LIPH: variants seen among roughly 807,000 people sequenced by gnomAD.
LIPH encodes lipase H.
In LIPH, 32 loss-of-function variants were observed where a neutral mutation model predicts 47.6. The ratio of observed to expected loss-of-function variants is 0.67; its 90% confidence interval spans 0.51 to 0.90. LIPH has a LOEUF of 0.90. LIPH is among the 40% of genes least tolerant of loss of function. The pLI, the probability that LIPH is intolerant of heterozygous loss-of-function variation, is 0.00. For missense variants in LIPH, 497 were observed against 541.4 expected (o/e 0.92, Z 0.81); for synonymous variants, 190 against 195.6 (o/e 0.97, Z 0.24).
chr3:185,539,249 G>A (rs1720625211), intron 1 of LIPH, among the ~76,000 whole-genome samples: 1 of 152,080 alleles, frequency 6.6e-6, no homozygotes, highest in South Asian at 2.1e-4. Flanking sequence ...TTACAGGCGT[G>A]AGCCACTGTG....
chr3:185,515,872 G>T (rs1462262572), intron 7 of LIPH, among the ~76,000 whole-genome samples: 1 of 152,172 alleles, frequency 6.6e-6, no homozygotes, highest in South Asian at 2.1e-4. Flanking sequence ...TGGCATGGAA[G>T]TTCACACCTG....
intron 9 of LIPH, among the ~76,000 whole-genome samples, chr3:185,509,768 T>C (rs1719498660): frequency 6.6e-6 from 1 of 152,166 alleles, no homozygotes; most frequent in Non-Finnish European, 1.5e-5. Context: ...ATATGGGTGA[T>C]ATTTTTCTGT....
chr3:185,534,416 C>A (rs1350633953), intron 2 of LIPH, among the ~76,000 whole-genome samples: 2 of 151,798 alleles, frequency 1.3e-5, no homozygotes, highest in Admixed American at 6.6e-5. Flanking sequence ...CTAGACAGAA[C>A]CTCTCCTACC....
At chr3:185,533,124 C>T (rs925204909) in intron 3 of LIPH, among the ~76,000 whole-genome samples, 8 of 152,032 alleles carry the variant, frequency 5.3e-5, no homozygotes, top group African/African-American at 1.9e-4. Context: ...AGTGTTGGCC[C>T]GAAAGCTGAT....
chr3:185,517,150 T>G lies in LIPH; in HGVS notation c.899A>C (p.Asp300Ala), dbSNP rs776331827. Residue 300 changes from aspartate (D) to alanine (A), a missense_variant, in exon 7 of 10, where the codon GAT becomes GCT. Transcript: ENST00000296252. ...ESCPLLGYYA[D>A]NWKDHLRGKD... ...CCCCCTTAGATGGTCTTTCCAATTA[T>G]CAGCATAATAGCCTATGAAACAAGT... 20 of 1,589,306 alleles carry G rather than the reference T, an allele frequency of 1.3e-5. No homozygotes were observed. Among genetic ancestry groups the G allele is most frequent in the South Asian group, 2.2e-5 (2 of 90,544 alleles).
At chr3:185,550,214 C>T (rs1721010372) in intron 1 of LIPH, among the ~76,000 whole-genome samples, 1 of 152,128 alleles carries the variant, frequency 6.6e-6, no homozygotes, top group African/African-American at 2.4e-5. Flanking sequence ...ATTCAACACC[C>T]TCCCTAATGA....
In LIPH at chr3:185,533,587, C is replaced by A. The variant is rs1302206630; in HGVS notation, c.510G>T (p.Trp170Cys). Residue 170 changes from tryptophan (W) to cysteine (C), a missense_variant, in exon 3 of 10, where the codon TGG (tryptophan) becomes TGT (cysteine). Trp to Cys is a radical substitution (Grantham distance 215, BLOSUM62 -2). Transcript: ENST00000296252. The part of the protein sequence containing the change: ...SGFVGEMYDG[W>C]LGRITGLDPA... The stretch of plus-strand genomic sequence containing the variant: ...GGCACTTACCTGTAATTCTCCCCAG[C>A]CATCCATCGTACATCTCTCCAACAA... The A allele has an allele frequency of 2.5e-6, 4 of 1,612,064 alleles. No individual in the cohort carries two copies. In the Admixed American group the frequency reaches 6.7e-5, roughly 27 times the overall value.
At chr3:185,531,648 C>A (rs189033928) in intron 3 of LIPH, among the ~76,000 whole-genome samples, 19 of 151,752 alleles carry the variant, frequency 1.3e-4, no homozygotes, top group Admixed American at 1.0e-3. Context: ...TGGGGGACCA[C>A]CGCAGGAGGA....
At chr3:185,514,229 A>G (rs554645232) in intron 8 of LIPH, among the ~76,000 whole-genome samples, 181 bp downstream of exon 8, 2 of 152,294 alleles carry the variant, frequency 1.3e-5, no homozygotes, top group Non-Finnish European at 1.5e-5. Context: ...CACCAATCCC[A>G]TTTGTAAAGA....
At position 185,514,473 on chromosome 3, in the gene LIPH, CT is replaced by C; in HGVS notation, c.1030del (p.Arg344GlufsTer8). The C allele has an allele frequency of 6.3e-7, 1 of 1,580,866 alleles. No individual in the cohort carries two copies. The highest frequency in any genetic ancestry group is 8.7e-7 in the Non-Finnish European group (1 of 1,149,628). ...DIITWNKNVR[R>X]GDITIKLRDK... ...TCTCAATTTGATGGTAATGTCCCCT[CT>C]TCTTACATTCTTGTTCCATGTTATA... On this transcript the variant is annotated frameshift_variant, in exon 8 of 10. Coordinates refer to ENST00000296252, the MANE Select transcript of LIPH (RefSeq NM_139248.3).
intron 3 of LIPH, among the ~76,000 whole-genome samples, chr3:185,531,404 G>C (rs1018253149): frequency 1.2e-4 from 18 of 151,652 alleles, no homozygotes; most frequent in African/African-American, 3.9e-4. Flanking sequence ...AAATTAGCCA[G>C]GCATGGTGGT....
At chr3:185,542,987 C>T (rs1008172021) in intron 1 of LIPH, among the ~76,000 whole-genome samples, 3 of 152,032 alleles carry the variant, frequency 2.0e-5, no homozygotes, top group East Asian at 3.9e-4. Context: ...GCAGGCAGAT[C>T]ACTTTGAGGT....
rs145034635 is a variant in LIPH, at chr3:185,509,298, A to G, written c.1269-421T>C. Among the ~76,000 whole-genome samples, 12 of 150,564 alleles carry G rather than the reference A, an allele frequency of 8.0e-5. No individual in the cohort carries two copies. In the East Asian group the frequency reaches 1.4e-3, roughly 17 times the overall value. On this transcript the variant is annotated intron_variant, in intron 9 of 9. Transcript: ENST00000296252. ...AGACTCTGTCTCAGAAAAAAAAAGA[A>G]AGAAAATGCTTATGGTAAGTAAAAC...
At chr3:185,535,236 A>G (rs761944041) in intron 1 of LIPH, 104 bp from the exon 2 acceptor site, 139 of 1,347,002 alleles carry the variant, frequency 1.0e-4, no homozygotes, top group Non-Finnish European at 1.4e-4. Context: ...TGTTCCTGAT[A>G]GGACCTGGCT....
At chr3:185,530,855 A>G (rs1720310403) in intron 3 of LIPH, among the ~76,000 whole-genome samples, 1 of 152,088 alleles carries the variant, frequency 6.6e-6, no homozygotes, top group Admixed American at 6.6e-5. Context: ...GTAACAAAGT[A>G]AGACCCTGTC....
intron 3 of LIPH, among the ~76,000 whole-genome samples, chr3:185,528,222 AAG>A (rs35994579): frequency 0.67 from 94,718 of 140,394 alleles, 33,866 homozygotes; most frequent in Non-Finnish European, 0.82. Context: ...CGAAGAAAGA[AAG>A]AGAGAGAGAG....
chr3:185,551,585 T>C (rs1721050610), intron 1 of LIPH, among the ~76,000 whole-genome samples: 1 of 152,198 alleles, frequency 6.6e-6, no homozygotes, highest in Non-Finnish European at 1.5e-5. Flanking sequence ...GCAAGTAATA[T>C]AGTTAGACTT....
At chr3:185,516,651 G>A (rs1270200447) in intron 7 of LIPH, among the ~76,000 whole-genome samples, 1 of 152,080 alleles carries the variant, frequency 6.6e-6, no homozygotes, top group Non-Finnish European at 1.5e-5. Flanking sequence ...CTGTAGATAT[G>A]GCTGACACCT....
intron 9 of LIPH, 82 bp from the exon 10 acceptor site, chr3:185,508,959 T>C: frequency 6.9e-6 from 6 of 874,608 alleles, no homozygotes; most frequent in East Asian, 5.3e-5. Context: ...ATCCTTAAGA[T>C]ACAAAATTAT....
Sources: gnomAD v4.1 joint callset for allele counts (sites outside exome capture counted in the v4.1 genomes callset) on GRCh38, gnomAD v4.1.1 for gene constraint, MANE v1.5 for transcripts, NCBI Gene and HGNC (gene_info 2026-07-23, HGNC 2026-07-21) for gene names.